The following TAF1 variants were observed in gnomAD, a reference collection of about 807,000 sequenced individuals.
The protein encoded by TAF1 is TATA-box binding protein associated factor 1.
Under a neutral mutation model 138.5 loss-of-function variants are expected in TAF1, and 2 were observed. The ratio of observed to expected loss-of-function variants is 0.01; its 90% CI spans 0.01 to 0.05. TAF1 has a LOEUF of 0.05. Among genes scored for constraint, TAF1 ranks in the 10% least tolerant of loss-of-function variants. The pLI is 1.00. For missense variants in TAF1, 709 were observed against 1,478.0 expected, an observed-to-expected ratio of 0.48 and a Z score of 8.53; for synonymous variants, 437 against 503.2, an observed-to-expected ratio of 0.87 and a Z score of 1.76.
At chrX:71,373,773 G>A (rs761708537) in intron 3 of TAF1, among the ~76,000 whole-genome samples, 6 of 111,284 alleles carry the variant, frequency 5.4e-5, no homozygotes, top group Admixed American at 3.8e-4. Context: ...AATAGGGAAC[G>A]TATAGGGGAA....
At position 71,402,530 on chromosome X, in the gene TAF1, C is replaced by G. The variant is rs771531609; in HGVS notation, c.3998+791C>G. ...TTGGGATTACAGGCGTGAGCCATCA[C>G]TCCCGGCCTCGTAGTGTTCTAATAA... On this transcript the variant is annotated intron_variant, in intron 25 of 37. Transcript: ENST00000423759. Among the ~76,000 whole-genome samples the G allele has an allele frequency of 8.5e-4, 95 of 112,396 alleles. 1 individual carries two copies. Among genetic ancestry groups the G allele is most frequent in the Admixed American group, 1.4e-3 (15 of 10,501 alleles).
chrX:71,526,204 A>G (rs2039996183), intron 13 of TAF1, among the ~76,000 whole-genome samples: 2 of 112,080 alleles, frequency 1.8e-5, no homozygotes, highest in South Asian at 7.3e-4. Context: ...GCAAGATAAT[A>G]CAATCACTTA....
At chrX:71,513,886 T>G (rs2039777537) in intron 13 of TAF1, among the ~76,000 whole-genome samples, 1 of 110,835 alleles carries the variant, frequency 9.0e-6, no homozygotes, top group African/African-American at 3.3e-5. Context: ...CAGCGCTCTG[T>G]GTCTAGCTAA....
At chrX:71,446,131 G>A (rs1362854168) in intron 32 of TAF1, among the ~76,000 whole-genome samples, 1 of 110,649 alleles carries the variant, frequency 9.0e-6, no homozygotes, top group Non-Finnish European at 1.9e-5. Flanking sequence ...GGCTGGTCCC[G>A]AACTCCTGAC....
chrX:71,378,145 A>C (rs957768972), intron 6 of TAF1, 90 bp from the exon 7 acceptor site: 6 of 921,270 alleles, frequency 6.5e-6, no homozygotes, highest in Non-Finnish European at 9.1e-6. Context: ...CAGTTTCTCT[A>C]AGTTCCCCTC....
chrX:71,429,351 T>C (rs1031051520), intron 32 of TAF1, among the ~76,000 whole-genome samples: 7 of 110,797 alleles, frequency 6.3e-5, no homozygotes, highest in African/African-American at 2.0e-4. Flanking sequence ...AGAATGATGA[T>C]GATAATAACT....
At chrX:71,517,665 G>A in intron 13 of TAF1, among the ~76,000 whole-genome samples, 1 of 111,985 alleles carries the variant, frequency 8.9e-6, no homozygotes, top group African/African-American at 3.2e-5. Flanking sequence ...ATATGAGTTT[G>A]AAGCCTGGCC....
chrX:71,468,634 G>A (rs986841123), downstream of TAF1, among the ~76,000 whole-genome samples: 41 of 101,084 alleles, frequency 4.1e-4, no homozygotes, highest in Admixed American at 2.8e-3. Context: ...GCAGTGAGCC[G>A]AGATCACGCC....
At chrX:71,483,740 ATCTCTCTCTCTCTCTCTC>A (rs1167670247) in intron 13 of TAF1, among the ~76,000 whole-genome samples, 2 of 62,400 alleles carry the variant, frequency 3.2e-5, no homozygotes, top group African/African-American at 7.5e-5. Context: ...TATTGTGAAC[ATCTCTCTCTCTCTCTCTC>A]TCTCTCTCTC....
intron 13 of TAF1, among the ~76,000 whole-genome samples, chrX:71,517,707 A>G (rs1231621318): frequency 8.9e-6 from 1 of 112,153 alleles, no homozygotes; most frequent in African/African-American, 3.2e-5. Flanking sequence ...GGACCCAGTT[A>G]ACCTGTGCCT....
chrX:71,436,963 A>G (rs1378275665), intron 32 of TAF1, among the ~76,000 whole-genome samples: 5 of 111,515 alleles, frequency 4.5e-5, no homozygotes, highest in African/African-American at 1.3e-4. Flanking sequence ...CTGGGAGCTT[A>G]TGTTTCTTCA....
At chrX:71,404,365 T>G (rs1250859774) in intron 25 of TAF1, among the ~76,000 whole-genome samples, 2 of 111,246 alleles carry the variant, frequency 1.8e-5, no homozygotes, top group Non-Finnish European at 3.8e-5. Flanking sequence ...TTCCTTTTTC[T>G]TTTTGAGACG....
intron 13 of TAF1, among the ~76,000 whole-genome samples, chrX:71,498,333 G>A (rs186378707): frequency 4.6e-4 from 51 of 111,557 alleles, no homozygotes; most frequent in Non-Finnish European, 8.1e-4. Flanking sequence ...TGCTTCCTCT[G>A]GTATTTGAGA....
At chrX:71,368,353 G>A (rs1416148080) in intron 3 of TAF1, among the ~76,000 whole-genome samples, 183 bp downstream of exon 3, 2 of 111,606 alleles carry the variant, frequency 1.8e-5, no homozygotes, top group South Asian at 3.7e-4. Context: ...TTGTGTTCTG[G>A]CCAGTCTTAA....
chrX:71,457,881 CCAAAT>C (rs1443479536), intron 34 of TAF1, among the ~76,000 whole-genome samples: 1 of 112,223 alleles, frequency 8.9e-6, no homozygotes, highest in African/African-American at 3.2e-5. Flanking sequence ...TCCTCTGTCT[CCAAAT>C]CAAGCAATCA....
At chrX:71,377,248 G>A in intron 5 of TAF1, 57 bp downstream of exon 5, 1 of 1,191,803 alleles carries the variant, frequency 8.4e-7, no homozygotes, top group Non-Finnish European at 1.1e-6. Flanking sequence ...CAAATAATGA[G>A]TTTTGTTGTT....
chrX:71,428,102 G>A (rs1354294841), intron 32 of TAF1, among the ~76,000 whole-genome samples: 1 of 90,904 alleles, frequency 1.1e-5, no homozygotes, highest in East Asian at 4.1e-4. Flanking sequence ...TGCACCCTCC[G>A]CCTCCCGGGT....
chrX:71,526,382 A>G (rs2039998419), intron 13 of TAF1, among the ~76,000 whole-genome samples: 1 of 112,390 alleles, frequency 8.9e-6, no homozygotes, highest in African/African-American at 3.2e-5. Context: ...TTGTCTTTAT[A>G]TGTTATGACA....
At chrX:71,366,583 A>G (rs1373533159) in intron 1 of TAF1, 89 bp downstream of exon 1, 8 of 939,986 alleles carry the variant, frequency 8.5e-6, no homozygotes, top group South Asian at 7.4e-5. Flanking sequence ...GTGCTCAGGC[A>G]GCGAGAACAG....
Sources: allele counts gnomAD v4.1 joint callset (sites outside exome capture counted in the v4.1 genomes callset), GRCh38; gene constraint gnomAD v4.1.1; transcripts MANE v1.5; gene names NCBI Gene and HGNC (gene_info 2026-07-23, HGNC 2026-07-21).